Variants in ZNF487 observed in about 807,000 individuals in gnomAD.
The protein encoded by ZNF487 is KRAB domain only 1.
Under a neutral mutation model 3.0 loss-of-function variants are expected in ZNF487, and 4 were observed. The observed-to-expected ratio is 1.35, with a 90% CI of 0.66 to 3.08. ZNF487 has a LOEUF of 3.08. Among genes scored for constraint, ZNF487 ranks in the 30% most tolerant of loss-of-function variants. The pLI is 0.01. For missense variants in ZNF487, 146 were observed against 98.7 expected (o/e 1.48, Z -2.03); for synonymous variants, 55 against 34.6 (o/e 1.59, Z -2.06).
chr10:43,486,031 T>A (rs1169879951), downstream of ZNF487, among the ~76,000 whole-genome samples: 1 of 152,198 alleles, frequency 6.6e-6, no homozygotes, highest in Non-Finnish European at 1.5e-5. Context: ...ACTGAGAAAG[T>A]GTGATTAATG....
the ZNF487 span, among the ~76,000 whole-genome samples, chr10:43,508,196 A>G: frequency 1.3e-5 from 2 of 152,220 alleles, no homozygotes; most frequent in African/African-American, 2.4e-5. Context: ...ATTGCCTTGC[A>G]GGGAAGGAGG....
chr10:43,447,250 A>ATTTTTTTTCTTTTC (rs76284839), intron 1 of ZNF487, among the ~76,000 whole-genome samples: 7 of 149,294 alleles, frequency 4.7e-5, no homozygotes, highest in African/African-American at 1.7e-4. Context: ...GGAGAACAAC[A>ATTTTTTTTCTTTTC]TTTTTTTTTT....
the ZNF487 span, among the ~76,000 whole-genome samples, chr10:43,501,552 C>A: frequency 6.6e-6 from 1 of 152,076 alleles, no homozygotes; most frequent in African/African-American, 2.4e-5. Flanking sequence ...CCAGCCTGGT[C>A]AACATGGCGA....
intron 1 of ZNF487, among the ~76,000 whole-genome samples, chr10:43,474,918 CA>C (rs1274331197): frequency 1.3e-5 from 2 of 151,702 alleles, no homozygotes; most frequent in Non-Finnish European, 2.9e-5. Flanking sequence ...TAAAAAATAT[CA>C]ATTCTACTAA....
the ZNF487 span, among the ~76,000 whole-genome samples, chr10:43,515,230 A>T: frequency 1.3e-5 from 2 of 152,198 alleles, no homozygotes; most frequent in Non-Finnish European, 2.9e-5. Context: ...TTTTGAGTGT[A>T]GTGCATACTC....
At chr10:43,512,653 C>A in the ZNF487 span, among the ~76,000 whole-genome samples, 2 of 152,216 alleles carry the variant, frequency 1.3e-5, no homozygotes, top group South Asian at 2.1e-4. Flanking sequence ...CTGTCTGTCA[C>A]TGACACCTCC....
chr10:43,492,890 T>G, the ZNF487 span, among the ~76,000 whole-genome samples: 2 of 152,208 alleles, frequency 1.3e-5, no homozygotes, highest in Non-Finnish European at 2.9e-5. Flanking sequence ...TAAAAATCTC[T>G]AATAGAATTT....
the ZNF487 span, among the ~76,000 whole-genome samples, chr10:43,502,818 C>A: frequency 1.3e-5 from 2 of 152,078 alleles, no homozygotes; most frequent in African/African-American, 4.8e-5. Context: ...ATCACTTGAG[C>A]CCAGGTATTC....
chr10:43,447,168 A>T (rs1381245638), intron 1 of ZNF487, among the ~76,000 whole-genome samples: 1 of 152,036 alleles, frequency 6.6e-6, no homozygotes, highest in Non-Finnish European at 1.5e-5. Context: ...GACGGTGGAA[A>T]GCGGGAGACG....
chr10:43,481,344 G>C, intron 3 of ZNF487, 85 bp from the exon 4 acceptor site: 1 of 579,762 alleles, frequency 1.7e-6, no homozygotes, highest in South Asian at 2.2e-5. Flanking sequence ...AAAAAAAAAA[G>C]AAAAAAAAAG....
At chr10:43,488,037 G>A (rs529959645), downstream of ZNF487, among the ~76,000 whole-genome samples, 280 of 151,336 alleles carry the variant, frequency 1.9e-3, no homozygotes, top group Middle Eastern at 6.9e-3. Flanking sequence ...GGGAGGCGGA[G>A]TTTGGAGTGA....
chr10:43,518,054 T>G, the ZNF487 span, among the ~76,000 whole-genome samples: 1 of 152,136 alleles, frequency 6.6e-6, no homozygotes, highest in Non-Finnish European at 1.5e-5. Flanking sequence ...TCTCACTACA[T>G]TTTTAGGCCA....
At chr10:43,446,019 C>T (rs975474822) in intron 1 of ZNF487, among the ~76,000 whole-genome samples, 1 of 152,202 alleles carries the variant, frequency 6.6e-6, no homozygotes, top group East Asian at 1.9e-4. Flanking sequence ...TTAACAGCAT[C>T]CCAAGGCAGA....
intron 1 of ZNF487, among the ~76,000 whole-genome samples, chr10:43,456,380 A>G (rs1840202707): frequency 6.6e-6 from 1 of 152,118 alleles, no homozygotes; most frequent in Admixed American, 6.6e-5. Context: ...AGCACGGCCC[A>G]TATTTGCACG....
At chr10:43,522,183 T>C in the ZNF487 span, among the ~76,000 whole-genome samples, 1 of 152,260 alleles carries the variant, frequency 6.6e-6, no homozygotes, top group South Asian at 2.1e-4. Context: ...CATGGAAAAT[T>C]ATTGCTGTCT....
chr10:43,456,047 T>G (rs944829178), intron 1 of ZNF487, among the ~76,000 whole-genome samples: 3 of 152,188 alleles, frequency 2.0e-5, no homozygotes, highest in Admixed American at 6.5e-5. Context: ...GCAGGCTCTG[T>G]TTTATCCTGG....
At chr10:43,445,380 G>C (rs963088187) in intron 1 of ZNF487, among the ~76,000 whole-genome samples, 1 of 152,082 alleles carries the variant, frequency 6.6e-6, no homozygotes, top group Non-Finnish European at 1.5e-5. Flanking sequence ...TGCATGCCTG[G>C]TATCTTATTG....
chr10:43,473,109 CT>C (rs367584724), intron 1 of ZNF487, among the ~76,000 whole-genome samples: 3,997 of 134,562 alleles, frequency 0.03, 78 homozygotes, highest in Non-Finnish European at 0.043. Context: ...TATTAGGACA[CT>C]TTTTTTTTTT....
intron 1 of ZNF487, among the ~76,000 whole-genome samples, chr10:43,462,901 C>G (rs1840484792): frequency 6.6e-6 from 1 of 151,988 alleles, no homozygotes; most frequent in Admixed American, 6.6e-5. Context: ...CCCTGAGTAG[C>G]TGGGACCACA....
Sources: allele counts gnomAD v4.1 joint callset (sites outside exome capture counted in the v4.1 genomes callset), GRCh38; gene constraint gnomAD v4.1.1; transcripts MANE v1.5; gene names NCBI Gene and HGNC (gene_info 2026-07-23, HGNC 2026-07-21).